CSMD3: variants seen among roughly 807,000 people sequenced by gnomAD.
The protein encoded by CSMD3 is CUB and sushi domain-containing protein 3.
Under a neutral mutation model 435.2 loss-of-function variants are expected in CSMD3, and 177 were observed. The observed-to-expected ratio is 0.41, with a 90% CI of 0.36 to 0.46. The LOEUF (loss-of-function observed/expected upper bound fraction) is 0.46. CSMD3 is among the 20% of genes least tolerant of loss of function. The probability of loss-of-function intolerance (pLI) is 0.34; values close to 1 mark genes in which losing one functional copy is unlikely to be tolerated. For missense variants in CSMD3, 4,265 were observed against 4,504.6 expected (o/e 0.95, Z 1.52); for synonymous variants, 1,656 against 1,520.5 (o/e 1.09, Z -2.07).
At chr8:112,399,718 C>T (rs1297914544) in intron 35 of CSMD3, among the ~76,000 whole-genome samples, 1 of 152,176 alleles carries the variant, frequency 6.6e-6, no homozygotes, top group Non-Finnish European at 1.5e-5. Context: ...ACACAATCAG[C>T]CACTTTTGTT....
chr8:113,414,180 G>A (rs1053063075), intron 1 of CSMD3, among the ~76,000 whole-genome samples: 5 of 152,198 alleles, frequency 3.3e-5, no homozygotes, highest in Non-Finnish European at 5.9e-5. Context: ...TAGCTATTGA[G>A]TATGTAAAAT....
intron 4 of CSMD3, among the ~76,000 whole-genome samples, chr8:113,128,068 G>A (rs991881600): frequency 6.6e-6 from 1 of 152,050 alleles, no homozygotes; most frequent in Non-Finnish European, 1.5e-5. Flanking sequence ...TACCTCGTCT[G>A]AAATAAATCT....
intron 59 of CSMD3, among the ~76,000 whole-genome samples, chr8:112,280,419 C>A (rs976629934): frequency 1.1e-4 from 16 of 151,898 alleles, no homozygotes. Context: ...TCCAGGCATG[C>A]ACCACCACAC....
intron 32 of CSMD3, among the ~76,000 whole-genome samples, chr8:112,470,477 G>C (rs779051196): frequency 6.6e-6 from 1 of 152,052 alleles, no homozygotes; most frequent in Admixed American, 6.6e-5. Flanking sequence ...TGCTACTTTA[G>C]AGATGTGTAG....
intron 40 of CSMD3, among the ~76,000 whole-genome samples, chr8:112,350,619 A>C: frequency 6.6e-6 from 1 of 152,110 alleles, no homozygotes; most frequent in East Asian, 1.9e-4. Flanking sequence ...AAATACAAAA[A>C]AAAATGAGGA....
chr8:113,031,548 G>T (rs2087110406), intron 5 of CSMD3, among the ~76,000 whole-genome samples: 1 of 151,496 alleles, frequency 6.6e-6, no homozygotes, highest in Non-Finnish European at 1.5e-5. Flanking sequence ...TCCTCTAAAA[G>T]GATAGCTGAA....
intron 13 of CSMD3, among the ~76,000 whole-genome samples, chr8:112,767,327 A>G (rs2078004169): frequency 6.6e-6 from 1 of 151,820 alleles, no homozygotes; most frequent in South Asian, 2.1e-4. Context: ...AGCAACATAA[A>G]CTAGGACAAT....
At chr8:112,423,957 C>G (rs372924643) in intron 32 of CSMD3, among the ~76,000 whole-genome samples, 1 of 152,022 alleles carries the variant, frequency 6.6e-6, no homozygotes, top group African/African-American at 2.4e-5. Flanking sequence ...TGCTATAATT[C>G]CAATGGAAGT....
chr8:113,022,533 C>CA (rs986797549), intron 5 of CSMD3, among the ~76,000 whole-genome samples: 4 of 151,346 alleles, frequency 2.6e-5, no homozygotes, highest in Non-Finnish European at 4.4e-5. Flanking sequence ...ACAACAATAA[C>CA]AAAAAACCCA....
chr8:113,008,490 T>C (rs915228938), intron 6 of CSMD3, among the ~76,000 whole-genome samples: 1 of 151,816 alleles, frequency 6.6e-6, no homozygotes, highest in Admixed American at 6.6e-5. Context: ...CACTTGTAGG[T>C]TTTAATCATT....
intron 6 of CSMD3, among the ~76,000 whole-genome samples, chr8:113,006,535 G>A (rs546239616): frequency 2.2e-4 from 34 of 152,010 alleles, no homozygotes; most frequent in African/African-American, 8.2e-4. Context: ...AAAAGGACTG[G>A]TGTCCATGTC....
chr8:112,550,370 C>G (rs1222731096), intron 27 of CSMD3, among the ~76,000 whole-genome samples: 1 of 151,790 alleles, frequency 6.6e-6, no homozygotes, highest in Non-Finnish European at 1.5e-5. Flanking sequence ...TATACTATTT[C>G]CAGATTATAA....
At chr8:112,702,581 C>T (rs2076411056) in intron 13 of CSMD3, among the ~76,000 whole-genome samples, 1 of 151,996 alleles carries the variant, frequency 6.6e-6, no homozygotes, top group Non-Finnish European at 1.5e-5. Context: ...CACTTCTTTC[C>T]TACTTCCGGG....
intron 2 of CSMD3, among the ~76,000 whole-genome samples, chr8:113,292,544 T>C (rs1283258230): frequency 1.3e-5 from 2 of 151,956 alleles, no homozygotes; most frequent in African/African-American, 4.8e-5. Context: ...GCATTATCAA[T>C]TATTTTTATT....
At chr8:113,386,011 A>G (rs949022081) in intron 1 of CSMD3, among the ~76,000 whole-genome samples, 1 of 152,092 alleles carries the variant, frequency 6.6e-6, no homozygotes, top group African/African-American at 2.4e-5. Flanking sequence ...TTAAATATAA[A>G]GTTGAGATAG....
chr8:112,817,071 C>T (rs180965500), intron 12 of CSMD3, among the ~76,000 whole-genome samples: 12 of 152,076 alleles, frequency 7.9e-5, no homozygotes, highest in African/African-American at 2.4e-4. Flanking sequence ...TGTCATCCAA[C>T]GTTAGTGCAT....
At chr8:112,410,391 T>C (rs1270782560) in intron 32 of CSMD3, among the ~76,000 whole-genome samples, 1 of 150,470 alleles carries the variant, frequency 6.6e-6, no homozygotes, top group African/African-American at 2.4e-5. Context: ...ATGCCGTGAA[T>C]TATTTTAATG....
intron 13 of CSMD3, among the ~76,000 whole-genome samples, chr8:112,711,080 T>G (rs185882090): frequency 1.9e-4 from 29 of 152,198 alleles, no homozygotes; most frequent in Admixed American, 1.7e-3. Context: ...TTTCTTATTT[T>G]ATAGTAGAGT....
intron 1 of CSMD3, among the ~76,000 whole-genome samples, chr8:113,396,649 T>C (rs764828559): frequency 6.6e-6 from 1 of 152,116 alleles, no homozygotes; most frequent in Non-Finnish European, 1.5e-5. Context: ...TCTCAGTACT[T>C]TTGAGTAAAT....
Sources: allele counts gnomAD v4.1 joint callset (sites outside exome capture counted in the v4.1 genomes callset), GRCh38; gene constraint gnomAD v4.1.1; transcripts MANE v1.5; gene names NCBI Gene and HGNC (gene_info 2026-07-23, HGNC 2026-07-21).